Variants in VGLL1 observed in about 807,000 individuals in gnomAD.
VGLL1 encodes the protein transcription cofactor vestigial-like protein 1.
In VGLL1, 4 loss-of-function variants were observed where a neutral mutation model predicts 12.0. The ratio of observed to expected loss-of-function variants is 0.33; its 90% CI spans 0.16 to 0.76. VGLL1 has a LOEUF of 0.76. Ranked by LOEUF, VGLL1 falls within the 30% of genes least tolerant of loss-of-function variation. VGLL1 has a pLI of 0.60. For missense variants in VGLL1, 204 were observed against 208.7 expected (o/e 0.98, Z 0.14); for synonymous variants, 87 against 81.2 (o/e 1.07, Z -0.39).
chrX:136,555,706 C>T (rs1030397229), intron 4 of VGLL1, among the ~76,000 whole-genome samples: 5 of 112,174 alleles, frequency 4.5e-5, no homozygotes, highest in African/African-American at 1.6e-4. Context: ...CTAATGATTT[C>T]TATTTTCTCA....
At position 136,548,994 on chromosome X, in the gene VGLL1, C is replaced by T; in HGVS notation, c.620C>T (p.Pro207Leu). Residue 207 changes from proline to leucine, a missense_variant, in exon 3 of 5, where the codon CCC becomes CTC. Transcript: ENST00000370634. Reference protein sequence around the residue: ...GSTGLLFNLPPGSVHYKKLYV... With the variant: ...GSTGLLFNLPLGSVHYKKLYV... ...ACAGGGTTGCTCTTCAACCTGCCTC[C>T]CGGCTCAGTTCACTGTAAGGAAATG... 1 of 1,208,457 alleles carries T rather than the reference C, an allele frequency of 8.3e-7. No homozygotes were observed. The highest frequency in any genetic ancestry group is 1.1e-6 in the Non-Finnish European group (1 of 893,596).
chrX:136,535,282 C>G (rs1349701407), intron 1 of VGLL1, among the ~76,000 whole-genome samples: 1 of 112,480 alleles, frequency 8.9e-6, no homozygotes, highest in East Asian at 2.8e-4. Context: ...GGGAACAGAG[C>G]TGACAATCTT....
At chrX:136,533,845 C>T (rs1016619001) in intron 1 of VGLL1, among the ~76,000 whole-genome samples, 2 of 112,153 alleles carry the variant, frequency 1.8e-5, no homozygotes, top group African/African-American at 3.2e-5. Context: ...CAGAAGTTAA[C>T]GCCAGAAAGA....
chrX:136,539,183 T>C (rs1159976115), intron 2 of VGLL1, among the ~76,000 whole-genome samples: 1 of 112,280 alleles, frequency 8.9e-6, no homozygotes, highest in Admixed American at 9.4e-5. Flanking sequence ...CATTCCCTTG[T>C]AAGCATCATC....
chrX:136,556,018 C>T (rs1252751890), intron 4 of VGLL1, among the ~76,000 whole-genome samples: 1 of 110,719 alleles, frequency 9.0e-6, no homozygotes, highest in Non-Finnish European at 1.9e-5. Flanking sequence ...GAAAAGGAGT[C>T]AAGGGTGGGC....
chrX:136,533,239 G>A (rs1033409378), intron 1 of VGLL1, among the ~76,000 whole-genome samples: 62 of 111,501 alleles, frequency 5.6e-4, no homozygotes, highest in African/African-American at 1.6e-3. Context: ...GATTGTGTGC[G>A]GTGTGGTTGG....
intron 4 of VGLL1, among the ~76,000 whole-genome samples, chrX:136,555,358 A>G (rs1266034485): frequency 8.9e-6 from 1 of 112,172 alleles, no homozygotes; most frequent in Non-Finnish European, 1.9e-5. Context: ...GAAAGTGGAG[A>G]TAGTAAATTC....
chrX:136,545,086 C>T (rs1286848938), intron 2 of VGLL1, among the ~76,000 whole-genome samples: 2 of 112,453 alleles, frequency 1.8e-5, no homozygotes, highest in Non-Finnish European at 3.8e-5. Flanking sequence ...AGGCACTGTG[C>T]TAAACCTTTT....
intron 2 of VGLL1, among the ~76,000 whole-genome samples, chrX:136,546,551 C>T (rs942896627): frequency 5.3e-5 from 6 of 112,374 alleles, no homozygotes; most frequent in African/African-American, 1.6e-4. Flanking sequence ...CACCAAACCA[C>T]TTCCCTTAAC....
intron 2 of VGLL1, among the ~76,000 whole-genome samples, chrX:136,543,584 C>T (rs913837307): frequency 1.8e-5 from 2 of 110,892 alleles, no homozygotes; most frequent in Admixed American, 9.6e-5. Flanking sequence ...TAGAGAGACC[C>T]TGTCTCTACA....
chrX:136,553,765 C>T (rs1321550795), intron 4 of VGLL1, among the ~76,000 whole-genome samples: 1 of 111,900 alleles, frequency 8.9e-6, no homozygotes, highest in African/African-American at 3.2e-5. Context: ...TCCTCCTGCC[C>T]CTCCGATATG....
In VGLL1 at chrX:136,548,830, T is replaced by G. The variant is rs2075876917; in HGVS notation, c.456T>G (p.Ala152=). 1 of 1,212,021 alleles carries G rather than the reference T, an allele frequency of 8.3e-7. No individual in the cohort carries two copies. The highest frequency in any genetic ancestry group is 1.7e-5 in the African/African-American group (1 of 57,855). ...CTGGCTACTCTCATCCCTTCCCCGC[T>G]CGGCACCTGGTTCCAGAGCCCCAGC... ...LEPGYSHPFP[A]RHLVPEPQPD... Residue 152 remains alanine, a synonymous_variant, in exon 3 of 5, where the codon GCT becomes GCG. Transcript: ENST00000370634.
intron 2 of VGLL1, among the ~76,000 whole-genome samples, chrX:136,544,403 C>T (rs1024180538): frequency 9.8e-5 from 11 of 112,217 alleles, no homozygotes; most frequent in African/African-American, 3.6e-4. Context: ...AAATTTCTTC[C>T]TAGAAATGTT....
intron 4 of VGLL1, among the ~76,000 whole-genome samples, chrX:136,555,369 G>A (rs1228738088): frequency 8.9e-6 from 1 of 111,941 alleles, no homozygotes; most frequent in East Asian, 2.8e-4. Context: ...TAGTAAATTC[G>A]AGGAGCTTCT....
chrX:136,540,039 C>T (rs1481645633), intron 2 of VGLL1, among the ~76,000 whole-genome samples: 4 of 111,636 alleles, frequency 3.6e-5, no homozygotes, highest in East Asian at 2.8e-4. Flanking sequence ...TTCTCACCTC[C>T]GTTGTCACCT....
intron 2 of VGLL1, among the ~76,000 whole-genome samples, chrX:136,543,273 C>T (rs190690739): frequency 3.6e-4 from 40 of 111,733 alleles, no homozygotes; most frequent in Admixed American, 1.0e-3. Flanking sequence ...CTCCTCTAAG[C>T]TCTCCCTCCA....
At chrX:136,545,919 G>GT (rs2075868527) in intron 2 of VGLL1, among the ~76,000 whole-genome samples, 1 of 111,692 alleles carries the variant, frequency 9.0e-6, no homozygotes, top group Admixed American at 9.5e-5. Flanking sequence ...CTCTGGACAG[G>GT]TTTTGTCTCA....
chrX:136,550,945 C>A, intron 4 of VGLL1, 124 bp downstream of exon 4: 1 of 588,223 alleles, frequency 1.7e-6, no homozygotes. Context: ...CAGTAATGGA[C>A]GGGAGCCTTA....
At chrX:136,535,963 T>C in intron 1 of VGLL1, 33 bp from the exon 2 acceptor site, 3 of 1,123,117 alleles carry the variant, frequency 2.7e-6, no homozygotes, top group Non-Finnish European at 3.6e-6. Context: ...ACTTGGTAAA[T>C]AGTGCCAGTG....
Sources: allele counts gnomAD v4.1 joint callset (sites outside exome capture counted in the v4.1 genomes callset), GRCh38; gene constraint gnomAD v4.1.1; transcripts MANE v1.5; gene names NCBI Gene and HGNC (gene_info 2026-07-23, HGNC 2026-07-21).